Variants in VTI1A observed in about 807,000 individuals in gnomAD.
VTI1A encodes vesicle transport through interaction with t-SNAREs homolog 1A.
VTI1A carries 22 observed loss-of-function variants against 34.9 expected under a neutral mutation model. The ratio of observed to expected loss-of-function variants is 0.63; its 90% CI spans 0.45 to 0.90. The LOEUF (loss-of-function observed/expected upper bound fraction) is 0.90. Ranked by LOEUF, VTI1A falls within the 40% of genes least tolerant of loss-of-function variation. The pLI, the probability that VTI1A is intolerant of heterozygous loss-of-function variation, is 0.00. For synonymous variants in VTI1A, 87 were observed against 97.3 expected (o/e 0.89, Z 0.62); for missense variants, 268 against 275.6 (o/e 0.97, Z 0.20).
At chr10:112,700,250 AGT>A (rs1215057275) in intron 7 of VTI1A, among the ~76,000 whole-genome samples, 1 of 152,072 alleles carries the variant, frequency 6.6e-6, no homozygotes, top group Non-Finnish European at 1.5e-5. Context: ...GCTAGTAGGT[AGT>A]GAGATTGGAT....
In VTI1A at chr10:112,729,138, C is replaced by T. The variant is rs943356416; in HGVS notation, c.560+60140C>T. On this transcript the variant is annotated intron_variant, in intron 7 of 7. Transcript: ENST00000393077. Reference sequence around the variant, plus strand: ...TTACCCTAGAACTCATACAGGCCAACAGAGGGAATGGAAATTGGCCACAGC... The same window carrying T: ...TTACCCTAGAACTCATACAGGCCAATAGAGGGAATGGAAATTGGCCACAGC... Among the ~76,000 whole-genome samples the T allele has an allele frequency of 2.0e-5, 3 of 152,028 alleles. No individual in the cohort carries two copies. In the East Asian group the frequency reaches 5.8e-4, roughly 29 times the overall value.
intron 5 of VTI1A, among the ~76,000 whole-genome samples, chr10:112,647,006 A>G (rs758482049): frequency 4.6e-5 from 7 of 152,140 alleles, no homozygotes; most frequent in Non-Finnish European, 8.8e-5. Context: ...ACTCTCCGTA[A>G]TATTTATTGG....
intron 7 of VTI1A, among the ~76,000 whole-genome samples, chr10:112,676,651 G>A (rs997398072): frequency 1.3e-5 from 2 of 152,132 alleles, no homozygotes; most frequent in Non-Finnish European, 2.9e-5. Flanking sequence ...CAACCTCCAA[G>A]CTAGCTTCAC....
In VTI1A at chr10:112,668,294, T is replaced by G; in HGVS notation, c.498+6T>G. The G allele has an allele frequency of 1.9e-6, 3 of 1,611,270 alleles. No individual in the cohort carries two copies. The highest frequency in any genetic ancestry group is 2.5e-6 in the Non-Finnish European group (3 of 1,178,306). On this transcript the variant is annotated splice_donor_region_variant and intron_variant, in intron 6 of 7. Transcript: ENST00000393077. ...TACAGCGAGCACGTGAAAGAGTAAG[T>G]ACAATTGATACAGTTTTTTCACATA...
rs536210556 is a variant in VTI1A, at chr10:112,778,949, G to A, written c.561-36341G>A. Among the ~76,000 whole-genome samples, 3 of 152,264 alleles carry A rather than the reference G, an allele frequency of 2.0e-5. No homozygotes were observed. In the South Asian group the frequency reaches 6.2e-4, roughly 32 times the overall value. On this transcript the variant is annotated intron_variant, in intron 7 of 7. Coordinates refer to ENST00000393077, the MANE Select transcript of VTI1A (RefSeq NM_145206.4). ...TATGCAGGAGAAGTTCAGGAACTGA[G>A]TGACACATTTTCCTAAAAGAAGGAA...
chr10:112,602,845 T>C (rs1402712837), intron 5 of VTI1A, among the ~76,000 whole-genome samples: 1 of 152,204 alleles, frequency 6.6e-6, no homozygotes, highest in Non-Finnish European at 1.5e-5. Flanking sequence ...AAGCCTAAGC[T>C]TTAGAGAAAC....
At chr10:112,645,742 G>A (rs946956059) in intron 5 of VTI1A, among the ~76,000 whole-genome samples, 1 of 152,102 alleles carries the variant, frequency 6.6e-6, no homozygotes, top group East Asian at 1.9e-4. Context: ...TATATCTAGT[G>A]TTCTCTCTAT....
intron 7 of VTI1A, among the ~76,000 whole-genome samples, chr10:112,669,712 G>A (rs552070602): frequency 6.6e-6 from 1 of 152,214 alleles, no homozygotes; most frequent in South Asian, 2.1e-4. Context: ...AAGTGAACGA[G>A]AAACATTGAG....
chr10:112,581,564 T>C (rs1359962681), intron 5 of VTI1A, among the ~76,000 whole-genome samples: 1 of 152,228 alleles, frequency 6.6e-6, no homozygotes, highest in Non-Finnish European at 1.5e-5. Flanking sequence ...GAAATCCTTA[T>C]ACAATGCAAG....
Position 112,756,468 on chromosome 10 carries a change from T to C in VTI1A, c.561-58822T>C, listed in dbSNP as rs1388252334. On this transcript the variant is annotated intron_variant, in intron 7 of 7. Transcript: ENST00000393077. Reference sequence around the variant, plus strand: ...ACTCTGGGGGAGGCATCCAGGAGGCTGTCTTCTCTCAGCGGGCATGCTTCC... The same window carrying C: ...ACTCTGGGGGAGGCATCCAGGAGGCCGTCTTCTCTCAGCGGGCATGCTTCC... 3.3e-5 allele frequency among the ~76,000 whole-genome samples: 5 copies of C among 152,212 alleles called. No individual in the cohort carries two copies. The East Asian group carries it at 9.7e-4, about 29-fold the overall frequency.
At chr10:112,810,990 G>A (rs1199427537) in intron 7 of VTI1A, among the ~76,000 whole-genome samples, 3 of 152,288 alleles carry the variant, frequency 2.0e-5, no homozygotes, top group African/African-American at 7.2e-5. Flanking sequence ...TCATACCTTA[G>A]CTTCTGAAAT....
chr10:112,575,435 C>G (rs1331406345), intron 5 of VTI1A, among the ~76,000 whole-genome samples: 2 of 152,322 alleles, frequency 1.3e-5, no homozygotes, highest in East Asian at 3.9e-4. Flanking sequence ...TATTTATCCT[C>G]TCTTTGCAAG....
intron 5 of VTI1A, among the ~76,000 whole-genome samples, chr10:112,554,927 A>G (rs921275858): frequency 2.6e-5 from 4 of 152,146 alleles, no homozygotes; most frequent in Non-Finnish European, 5.9e-5. Flanking sequence ...ATATGGGGAC[A>G]TGGTCCCAAC....
chr10:112,476,969 C>T (rs1848298967), intron 3 of VTI1A, among the ~76,000 whole-genome samples: 2 of 152,054 alleles, frequency 1.3e-5, no homozygotes, highest in African/African-American at 4.8e-5. Flanking sequence ...GATCTGATCT[C>T]TAGGGTGAAG....
intron 7 of VTI1A, among the ~76,000 whole-genome samples, chr10:112,673,455 C>A (rs144937691): frequency 2.8e-5 from 2 of 72,708 alleles, no homozygotes; most frequent in Admixed American, 3.4e-4. Context: ...CACACACATG[C>A]GCGCGTGCGC....
chr10:112,593,964 C>G (rs895401422), intron 5 of VTI1A, among the ~76,000 whole-genome samples: 2 of 151,902 alleles, frequency 1.3e-5, no homozygotes. Flanking sequence ...GGCTGGAGTG[C>G]AGTGGCGCTA....
chr10:112,569,167 C>G (rs4498908), intron 5 of VTI1A, among the ~76,000 whole-genome samples: 1 of 151,542 alleles, frequency 6.6e-6, no homozygotes, highest in African/African-American at 2.4e-5. Flanking sequence ...AAAAAAAAAG[C>G]TATGGGAAAA....
intron 7 of VTI1A, among the ~76,000 whole-genome samples, chr10:112,775,410 C>T (rs527835399): frequency 6.6e-5 from 10 of 152,304 alleles, no homozygotes; most frequent in Admixed American, 2.0e-4. Flanking sequence ...ACTAAATCTA[C>T]ACACCATTTG....
At chr10:112,596,797 A>C (rs1844664814) in intron 5 of VTI1A, among the ~76,000 whole-genome samples, 1 of 152,038 alleles carries the variant, frequency 6.6e-6, no homozygotes, top group Non-Finnish European at 1.5e-5. Flanking sequence ...ATTAAAAGTT[A>C]ATTTTTTGCT....
Sources: allele counts gnomAD v4.1 joint callset (sites outside exome capture counted in the v4.1 genomes callset), GRCh38; gene constraint gnomAD v4.1.1; transcripts MANE v1.5; gene names NCBI Gene and HGNC (gene_info 2026-07-23, HGNC 2026-07-21).